Variants in AHI1 observed in about 807,000 individuals in gnomAD.
AHI1 encodes the protein jouberin.
Under a neutral mutation model 149.3 loss-of-function variants are expected in AHI1, and 123 were observed. That is an observed-to-expected ratio of 0.82 (90% CI 0.71 to 0.96). AHI1 has a LOEUF of 0.96. AHI1 is among the 40% of genes least tolerant of loss of function. The pLI, the probability that AHI1 is intolerant of heterozygous loss-of-function variation, is 0.00. For missense variants in AHI1, 1,439 were observed against 1,422.7 expected, an observed-to-expected ratio of 1.01 and a Z score of -0.18; for synonymous variants, 475 against 459.8, an observed-to-expected ratio of 1.03 and a Z score of -0.42.
chr6:135,322,069 C>T (rs1458819096), intron 25 of AHI1, among the ~76,000 whole-genome samples: 1 of 152,216 alleles, frequency 6.6e-6, no homozygotes, highest in Non-Finnish European at 1.5e-5. Context: ...TCCCAAAGTG[C>T]TGGGATTACA....
Position 135,465,905 on chromosome 6 carries a change from G to C in AHI1, c.658C>G (p.Pro220Ala). 1.3e-6 allele frequency: 2 copies of C among 1,590,746 alleles called. No homozygotes were observed. Among genetic ancestry groups the C allele is most frequent in the South Asian group, 1.2e-5 (1 of 85,386 alleles). ...KKLKEQLTYF[P>A]SDTLFHDDKL... ...TCATCATGGAATAAAGTATCTGAGG[G>C]AAAGTAAGTCAACTGTTCTTTCAGT... is the stretch of plus-strand genomic sequence containing the variant. The change falls in exon 7 of 29, where the codon CCC becomes GCC. Residue 220 changes from proline to alanine, a missense_variant. Physicochemically the swap from Pro to Ala is conservative, Grantham distance 27. Coordinates refer to ENST00000265602, the MANE Select transcript of AHI1 (RefSeq NM_001134831.2).
intron 13 of AHI1, among the ~76,000 whole-genome samples, chr6:135,443,518 TA>T (rs1786664034): frequency 6.6e-6 from 1 of 152,150 alleles, no homozygotes; most frequent in Admixed American, 6.6e-5. Context: ...ACCCTATGAG[TA>T]GCTATTACTA....
At chr6:135,308,953 G>A (rs1310511742) in intron 26 of AHI1, among the ~76,000 whole-genome samples, 2 of 152,170 alleles carry the variant, frequency 1.3e-5, no homozygotes, top group East Asian at 1.9e-4. Context: ...AGAGTTAAGA[G>A]GGTCCTGGAA....
At chr6:135,389,856 T>C (rs1159454744) in intron 23 of AHI1, among the ~76,000 whole-genome samples, 1 of 152,164 alleles carries the variant, frequency 6.6e-6, no homozygotes, top group Non-Finnish European at 1.5e-5. Context: ...TTCTCTCCCC[T>C]ACCTACCCAT....
intron 27 of AHI1, among the ~76,000 whole-genome samples, chr6:135,296,999 G>C (rs545470571): frequency 1.3e-5 from 2 of 152,174 alleles, no homozygotes; most frequent in African/African-American, 2.4e-5. Flanking sequence ...CTAGAACAGA[G>C]AGCAGATGAT....
intron 23 of AHI1, among the ~76,000 whole-genome samples, chr6:135,375,540 A>G (rs1775789301): frequency 6.6e-6 from 1 of 152,208 alleles, no homozygotes; most frequent in African/African-American, 2.4e-5. Flanking sequence ...ACATTTTGAA[A>G]AATAAATTGA....
rs555748039 is a variant in AHI1, at chr6:135,434,327, C to T, written c.2037-1071G>A. Among the ~76,000 whole-genome samples the T allele has an allele frequency of 5.9e-5, 9 of 151,962 alleles. No individual in the cohort carries two copies. The South Asian group carries it at 1.2e-3, about 21-fold the overall frequency. Reference sequence around the variant, plus strand: ...TAGAGGAAGTGAAAGAACATGTTTTCGAGTAAAAATAAAGCCCATGAATGA... The same window carrying T: ...TAGAGGAAGTGAAAGAACATGTTTTTGAGTAAAAATAAAGCCCATGAATGA... On this transcript the variant is annotated intron_variant, in intron 15 of 28. Transcript: ENST00000265602.
chr6:135,463,247 C>T lies in AHI1; in HGVS notation c.809G>A (p.Arg270Lys). 6.2e-7 allele frequency: 1 copy of T among 1,610,586 alleles called. No homozygotes were observed. Among genetic ancestry groups the T allele is most frequent in the African/African-American group, 1.3e-5 (1 of 74,494 alleles). ...TTGATGAGAATCTGAAGAAACTGAT[C>T]TAACTGAAGATTCTTTCTTTTGTTC... ...EGEQKKESSV[R>K]SVSSDSHQDD... is the part of the protein sequence containing the mutation. The change falls in exon 8 of 29, where the codon AGA becomes AAA. Residue 270 changes from arginine (R) to lysine (K), a missense_variant. By Grantham distance (26) the Arg-to-Lys change is conservative. Coordinates refer to ENST00000265602, the MANE Select transcript of AHI1 (RefSeq NM_001134831.2).
intron 5 of AHI1, among the ~76,000 whole-genome samples, chr6:135,481,671 T>C (rs889539671): frequency 6.6e-6 from 1 of 151,220 alleles, no homozygotes; most frequent in Non-Finnish European, 1.5e-5. Flanking sequence ...CTCTTCTTTT[T>C]TGTAAATCAA....
intron 11 of AHI1, among the ~76,000 whole-genome samples, chr6:135,450,624 A>G (rs1014897486): frequency 7.9e-5 from 12 of 152,332 alleles, no homozygotes; most frequent in African/African-American, 2.9e-4. Context: ...AAAGCTTATC[A>G]CGGTAATTTT....
chr6:135,307,087 A>C (rs1281906635), intron 26 of AHI1: 2 of 152,212 alleles, frequency 1.3e-5, no homozygotes, highest in Non-Finnish European at 2.9e-5. Flanking sequence ...GCAATGGGGA[A>C]GCGGTAAGAG....
At chr6:135,492,779 A>G (rs1314565636) in intron 3 of AHI1, 1 of 985,198 alleles carries the variant, frequency 1.0e-6, no homozygotes, top group Non-Finnish European at 1.2e-6. Context: ...GGATAGTACA[A>G]ATATTTGCAC....
chr6:135,445,559 T>G (rs767390106), intron 13 of AHI1, among the ~76,000 whole-genome samples: 10 of 152,136 alleles, frequency 6.6e-5, no homozygotes, highest in Non-Finnish European at 1.2e-4. Context: ...AAAAAATTTT[T>G]TTTTAAATTT....
intron 21 of AHI1, among the ~76,000 whole-genome samples, chr6:135,407,626 T>C (rs570051050): frequency 1.3e-5 from 2 of 152,354 alleles, no homozygotes; most frequent in East Asian, 1.9e-4. Flanking sequence ...AGAAATGATA[T>C]GCTAAAAGCT....
intron 24 of AHI1, among the ~76,000 whole-genome samples, chr6:135,349,374 C>T (rs1444650030): frequency 6.6e-6 from 1 of 152,220 alleles, no homozygotes; most frequent in Non-Finnish European, 1.5e-5. Flanking sequence ...GGCAGCCTGA[C>T]CAGTGCCCTC....
chr6:135,400,398 A>AT (rs1779860165), intron 22 of AHI1, among the ~76,000 whole-genome samples: 1 of 152,130 alleles, frequency 6.6e-6, no homozygotes, highest in African/African-American at 2.4e-5. Context: ...TCCACTAAAC[A>AT]TAACTCAATA....
At chr6:135,452,629 A>C (rs1458954041) in intron 11 of AHI1, among the ~76,000 whole-genome samples, 1 of 152,230 alleles carries the variant, frequency 6.6e-6, no homozygotes, top group Non-Finnish European at 1.5e-5. Flanking sequence ...TTTAAATTCT[A>C]TAATGGCTTC....
At position 135,484,615 on chromosome 6, in the gene AHI1, A is replaced by T. The variant is rs984096161; in HGVS notation, c.135+6008T>A. Among the ~76,000 whole-genome samples, 12 of 152,108 alleles carry T rather than the reference A, an allele frequency of 7.9e-5. 1 individual carries two copies. The highest frequency in any genetic ancestry group is 7.2e-4 in the Admixed American group (11 of 15,270). ...TCCAAGGATTATAGGATAATTATAAAATACTCAGAAGGTCCTTCTTATTCC... is the reference window on the plus strand; with the variant it reads ...TCCAAGGATTATAGGATAATTATAATATACTCAGAAGGTCCTTCTTATTCC... On this transcript the variant is annotated intron_variant, in intron 5 of 28. Transcript: ENST00000265602.
intron 11 of AHI1, among the ~76,000 whole-genome samples, chr6:135,451,821 T>G (rs1788152385): frequency 6.6e-6 from 1 of 151,910 alleles, no homozygotes; most frequent in African/African-American, 2.4e-5. Context: ...CACTGTTTAC[T>G]ATGTGAAAGT....
Sources: allele counts gnomAD v4.1 joint callset (sites outside exome capture counted in the v4.1 genomes callset), GRCh38; gene constraint gnomAD v4.1.1; transcripts MANE v1.5; gene names NCBI Gene and HGNC (gene_info 2026-07-23, HGNC 2026-07-21).